FLT1: variants seen among roughly 807,000 people sequenced by gnomAD.
The protein encoded by FLT1 is vascular endothelial growth factor receptor 1.
Under a neutral mutation model 156.3 loss-of-function variants are expected in FLT1, and 49 were observed. The ratio of observed to expected loss-of-function variants is 0.31; its 90% CI spans 0.25 to 0.40. The LOEUF is 0.40. FLT1 is among the 10% of genes least tolerant of loss of function. The pLI is 1.00. For missense variants in FLT1, 1,322 were observed against 1,637.2 expected (o/e 0.81, Z 3.32); for synonymous variants, 594 against 583.8 (o/e 1.02, Z -0.25).
intron 3 of FLT1, among the ~76,000 whole-genome samples, chr13:28,466,402 C>T (rs1879849547): frequency 6.6e-6 from 1 of 152,044 alleles, no homozygotes; most frequent in Non-Finnish European, 1.5e-5. Flanking sequence ...TATAGTAGTT[C>T]CTCAGTGAAC....
At chr13:28,348,741 C>G (rs1159300368) in intron 15 of FLT1, among the ~76,000 whole-genome samples, 2 of 152,128 alleles carry the variant, frequency 1.3e-5, no homozygotes, top group Non-Finnish European at 2.9e-5. Context: ...AACCCCGTCT[C>G]TACTAAAAAT....
At chr13:28,390,445 G>C (rs768089555) in intron 12 of FLT1, among the ~76,000 whole-genome samples, 10 of 152,122 alleles carry the variant, frequency 6.6e-5, no homozygotes, top group Non-Finnish European at 1.3e-4. Flanking sequence ...GCCCAGGCTG[G>C]AGTGCTGTGG....
intron 19 of FLT1, among the ~76,000 whole-genome samples, chr13:28,327,756 C>CAAAAAAAAAAAAAAAAAAAAAAA (rs56031277): frequency 8.1e-6 from 1 of 122,794 alleles, no homozygotes; most frequent in East Asian, 2.3e-4. Context: ...AATTGAAATA[C>CAAAAAAAAAAAAAAAAAAAAAAA]AAAAAAAAAA....
chr13:28,436,923 T>C (rs541159823), intron 4 of FLT1, among the ~76,000 whole-genome samples: 2 of 152,316 alleles, frequency 1.3e-5, no homozygotes, highest in Admixed American at 1.3e-4. Flanking sequence ...ACTCATTAGT[T>C]TGCCCAGTGA....
rs562777310 is a variant in FLT1, at chr13:28,301,388, C to T, written c.*1779G>A. The T allele has an allele frequency of 4.3e-6, 1 of 233,086 alleles. No homozygotes were observed. The highest frequency in any genetic ancestry group is 1.8e-4 in the South Asian group (1 of 5,526). The allele number at this position is 233,086 out of a possible 1,614,324, so 14.4% of individuals were successfully genotyped here. The stretch of plus-strand genomic sequence containing the variant: ...GGACTGTCCCACTCCTCTCTTCTGG[C>T]TAGTGAGTCTTCCACAAAAGCCGCT... On this transcript the variant is annotated 3_prime_UTR_variant, in exon 30 of 30. Coordinates refer to ENST00000282397, the MANE Select transcript of FLT1 (RefSeq NM_002019.4).
At chr13:28,447,832 A>G (rs917177500) in intron 3 of FLT1, among the ~76,000 whole-genome samples, 1 of 150,538 alleles carries the variant, frequency 6.6e-6, no homozygotes, top group African/African-American at 2.4e-5. Context: ...ATGTATCTAT[A>G]TATTATATCT....
intron 10 of FLT1, among the ~76,000 whole-genome samples, chr13:28,422,666 C>T (rs1301650646): frequency 6.6e-6 from 1 of 152,154 alleles, no homozygotes; most frequent in Non-Finnish European, 1.5e-5. Flanking sequence ...TCAGCAGAAG[C>T]CCCCCACCAT....
Position 28,495,000 on chromosome 13 carries a change from C to A in FLT1, c.-157G>T, listed in dbSNP as rs1005002298. ...GGAGACAACCACTTCCCCGGGTAAT[C>A]CTCGCCGCCAGGCGCCCGCTGGCCG... On this transcript the variant is annotated 5_prime_UTR_variant, in exon 1 of 30. Transcript: ENST00000282397. The A allele has an allele frequency of 3.7e-6, 2 of 534,232 alleles. No homozygotes were observed. Among genetic ancestry groups the A allele is most frequent in the South Asian group, 6.3e-5 (2 of 31,840 alleles). 33.1% of individuals were successfully genotyped at this position (534,232 alleles called of 1,614,324 possible). A position where few individuals can be genotyped will look rare whatever the true frequency, so the allele number is the denominator to read the frequency against.
chr13:28,327,620 C>T, intron 19 of FLT1, 70 bp from the exon 20 acceptor site: 2 of 1,117,962 alleles, frequency 1.8e-6, no homozygotes, highest in East Asian at 4.7e-5. Context: ...AGCCTTCAGC[C>T]TGCCTGAGAA....
chr13:28,339,144 G>C (rs766707935), intron 17 of FLT1, 24 bp downstream of exon 17: 2 of 1,610,424 alleles, frequency 1.2e-6, no homozygotes, highest in South Asian at 2.2e-5. Context: ...ATAGGTTTAT[G>C]AATCTGTTGA....
At chr13:28,368,664 C>G in intron 14 of FLT1, 1 of 838,794 alleles carries the variant, frequency 1.2e-6, no homozygotes, top group Non-Finnish European at 2.0e-6. Context: ...GTATACAGTT[C>G]TAGGTACACA....
intron 12 of FLT1, 142 bp from the exon 13 acceptor site, chr13:28,390,246 A>G: frequency 9.1e-7 from 1 of 1,098,228 alleles, no homozygotes; most frequent in Non-Finnish European, 1.3e-6. Flanking sequence ...GTAAATGAGC[A>G]AACACAGCAG....
intron 20 of FLT1, among the ~76,000 whole-genome samples, chr13:28,327,169 TA>T (rs980331433): frequency 3.1e-4 from 47 of 152,330 alleles, no homozygotes; most frequent in African/African-American, 1.1e-3. Context: ...CACACATATA[TA>T]GGGGGAGAAA....
chr13:28,466,747 G>T (rs1566044970), intron 3 of FLT1, 156 bp downstream of exon 3: 1 of 703,916 alleles, frequency 1.4e-6, no homozygotes, highest in Non-Finnish European at 2.6e-6. Context: ...GGTTAAAATT[G>T]ACATCCACGA....
At chr13:28,412,525 G>A (rs1396662255) in intron 10 of FLT1, among the ~76,000 whole-genome samples, 1 of 150,756 alleles carries the variant, frequency 6.6e-6, no homozygotes, top group African/African-American at 2.4e-5. Context: ...AGGTTCAAGC[G>A]ATTCTCCTGC....
At chr13:28,425,664 G>T (rs1318698894) in intron 10 of FLT1, among the ~76,000 whole-genome samples, 2 of 151,908 alleles carry the variant, frequency 1.3e-5, no homozygotes, top group African/African-American at 4.8e-5. Context: ...TTTAGAAAAG[G>T]CTCTGTTATT....
At chr13:28,430,316 T>C in intron 7 of FLT1, 149 bp from the exon 8 acceptor site, 1 of 673,708 alleles carries the variant, frequency 1.5e-6, no homozygotes, top group South Asian at 1.7e-5. Flanking sequence ...ATGTTGATCA[T>C]GAATAGGATA....
chr13:28,466,970 G>A lies in FLT1; in HGVS notation c.321C>T (p.Cys107=), dbSNP rs142924808. 135 of 1,614,002 alleles carry A rather than the reference G, an allele frequency of 8.4e-5. No individual in the cohort carries two copies. The African/African-American group carries it at 1.7e-3, about 20-fold the overall frequency. ...TTGAAGTAGGTACAGCTAGATATTTGCAGCTGTAGAAGCCAGTGTGGTTTG... is the reference window on the plus strand; with the variant it reads ...TTGAAGTAGGTACAGCTAGATATTTACAGCTGTAGAAGCCAGTGTGGTTTG... ...AQANHTGFYS[C]KYLAVPTSKK... The change falls in exon 3 of 30, where the codon TGC becomes TGT. Residue 107 remains cysteine, a synonymous_variant. Coordinates refer to ENST00000282397, the MANE Select transcript of FLT1 (RefSeq NM_002019.4).
chr13:28,494,718 C>T, intron 1 of FLT1, 62 bp downstream of exon 1: 1 of 1,353,960 alleles, frequency 7.4e-7, no homozygotes, highest in South Asian at 1.3e-5. Context: ...GCCTCGGAGG[C>T]TCTGCCCTCC....
Sources: allele counts gnomAD v4.1 joint callset (sites outside exome capture counted in the v4.1 genomes callset), GRCh38; gene constraint gnomAD v4.1.1; transcripts MANE v1.5; gene names NCBI Gene and HGNC (gene_info 2026-07-23, HGNC 2026-07-21).